Variants in TCF3 observed in about 807,000 individuals in gnomAD.
TCF3 encodes transcription factor E2-alpha.
TCF3 carries 54 observed loss-of-function variants against 72.3 expected under a neutral mutation model. The ratio of observed to expected loss-of-function variants is 0.75; its 90% CI spans 0.60 to 0.94. The LOEUF (loss-of-function observed/expected upper bound fraction) is 0.94. TCF3 is among the 40% of genes least tolerant of loss of function. TCF3 has a pLI of 0.00. For synonymous variants in TCF3, 525 were observed against 412.6 expected, an observed-to-expected ratio of 1.27 and a Z score of -3.30; for missense variants, 1,078 against 934.4, an observed-to-expected ratio of 1.15 and a Z score of -2.00.
chr19:1,632,596 G>A (rs1036834487), intron 3 of TCF3, among the ~76,000 whole-genome samples, 191 bp from the exon 4 acceptor site: 11 of 152,088 alleles, frequency 7.2e-5, no homozygotes, highest in African/African-American at 2.7e-4. Context: ...CTGGGACTCG[G>A]AGCACTTACA....
At chr19:1,643,500 C>T (rs1261809181) in intron 3 of TCF3, among the ~76,000 whole-genome samples, 1 of 151,902 alleles carries the variant, frequency 6.6e-6, no homozygotes, top group East Asian at 1.9e-4. Flanking sequence ...GGATTATAGG[C>T]ATGAACCACT....
At chr19:1,632,153 C>A in intron 4 of TCF3, 37 bp from the exon 5 acceptor site, 1 of 1,600,804 alleles carries the variant, frequency 6.2e-7, no homozygotes, top group Non-Finnish European at 8.5e-7. Context: ...GGTGCTGGGG[C>A]TTCACAGGCC....
intron 8 of TCF3, among the ~76,000 whole-genome samples, chr19:1,623,748 CA>C (rs2062543895): frequency 6.6e-6 from 1 of 152,202 alleles, no homozygotes; most frequent in Admixed American, 6.5e-5. Context: ...ACAAGACAGA[CA>C]GAGGCTGGAC....
rs1201779070 is a variant in TCF3 at position 1,621,162 on chromosome 19, C to T, written c.985G>A (p.Gly329Arg). 5.8e-6 allele frequency: 9 copies of T among 1,539,160 alleles called. No individual in the cohort carries two copies. The highest frequency in any genetic ancestry group is 1.2e-5 in the South Asian group (1 of 84,012). ...GCCAGTGCTTTGCCGAGGGCATCCCCGGAGCTGCCAGCTGTGGTCCCTCGG... is the reference window on the plus strand; with the variant it reads ...GCCAGTGCTTTGCCGAGGGCATCCCTGGAGCTGCCAGCTGTGGTCCCTCGG... ...GSRGTTAGSS[G>R]DALGKALASI... The change falls in exon 12 of 19, where the codon GGG (glycine) becomes AGG (arginine). Residue 329 changes from glycine to arginine, a missense_variant. By Grantham distance (125) the Gly-to-Arg change is moderately radical (BLOSUM62 -2). Coordinates refer to ENST00000262965, the MANE Select transcript of TCF3 (RefSeq NM_003200.5).
chr19:1,640,819 G>C (rs887934163), intron 3 of TCF3, among the ~76,000 whole-genome samples: 2 of 144,630 alleles, frequency 1.4e-5, no homozygotes, highest in Non-Finnish European at 3.0e-5. Context: ...AAAAAAAAAA[G>C]TGATGTAAAT....
At chr19:1,620,015 C>A (rs564307425) in intron 13 of TCF3, among the ~76,000 whole-genome samples, 162 bp from the exon 14 acceptor site, 1 of 152,280 alleles carries the variant, frequency 6.6e-6, no homozygotes, top group East Asian at 1.9e-4. Flanking sequence ...GCTGCTCGGC[C>A]CCGCCAGGCA....
chr19:1,643,956 C>T (rs763272960), intron 3 of TCF3, among the ~76,000 whole-genome samples: 2 of 152,184 alleles, frequency 1.3e-5, no homozygotes, highest in Non-Finnish European at 2.9e-5. Flanking sequence ...GGACTCCTGG[C>T]GAAGGGTGGC....
intron 3 of TCF3, among the ~76,000 whole-genome samples, chr19:1,639,576 A>G (rs2064945385): frequency 1.3e-5 from 2 of 152,120 alleles, no homozygotes; most frequent in Non-Finnish European, 2.9e-5. Context: ...ACTCACAAAG[A>G]AGGACAAAAA....
intron 3 of TCF3, among the ~76,000 whole-genome samples, chr19:1,644,747 G>T (rs2065827836): frequency 6.6e-6 from 1 of 152,152 alleles, no homozygotes; most frequent in Admixed American, 6.5e-5. Context: ...TCTCACAGTG[G>T]TCCGTGCCAG....
chr19:1,630,806 AC>A (rs537953876), intron 5 of TCF3, among the ~76,000 whole-genome samples: 5 of 151,014 alleles, frequency 3.3e-5, no homozygotes, highest in Non-Finnish European at 5.9e-5. Flanking sequence ...AAGCAGCGGG[AC>A]CCCCCCAAGA....
chr19:1,630,877 G>A (rs1402325030), intron 5 of TCF3, among the ~76,000 whole-genome samples: 1 of 152,202 alleles, frequency 6.6e-6, no homozygotes, highest in Non-Finnish European at 1.5e-5. Context: ...AGGAGGCGGA[G>A]CATGTGAAGC....
intron 8 of TCF3, 72 bp downstream of exon 8, chr19:1,623,879 G>A (rs569849360): frequency 1.3e-6 from 2 of 1,514,308 alleles, no homozygotes; most frequent in South Asian, 2.3e-5. Flanking sequence ...GTGTTCCCAA[G>A]CTTCGCCAGG....
intron 3 of TCF3, among the ~76,000 whole-genome samples, chr19:1,638,674 G>A (rs1046902304): frequency 2.6e-5 from 4 of 152,220 alleles, no homozygotes; most frequent in South Asian, 2.1e-4. Context: ...GAGAAACGGC[G>A]TGTTTAAACG....
In TCF3 at chr19:1,615,983, C is replaced by G. The variant is rs555832338; in HGVS notation, c.1451-162G>C. ...CAACCAGAACTGGATCCCTACCTCA[C>G]GCCATGTGTAGCTACCAATGCCAGA... On this transcript the variant is annotated intron_variant, in intron 16 of 18. Coordinates refer to ENST00000262965, the MANE Select transcript of TCF3 (RefSeq NM_003200.5). This position sits in a 1 kb window ranked among gnomAD's most constrained non-coding sequence, Gnocchi z 7.3. Among the ~76,000 whole-genome samples the G allele has an allele frequency of 6.6e-6, 1 of 152,164 alleles. No individual in the cohort carries two copies. The highest frequency in any genetic ancestry group is 1.9e-4 in the East Asian group (1 of 5,202).
chr19:1,620,897 A>C, intron 13 of TCF3, 71 bp downstream of exon 13: 1 of 1,316,814 alleles, frequency 7.6e-7, no homozygotes, highest in Non-Finnish European at 9.9e-7. Flanking sequence ...AAGCCTTCAC[A>C]GACCTCAGCC....
intron 12 of TCF3, 22 bp downstream of exon 12, chr19:1,621,110 AC>A (rs1190345267): frequency 8.5e-6 from 13 of 1,525,712 alleles, no homozygotes; most frequent in African/African-American, 5.5e-5. Flanking sequence ...TTGCCTGGCC[AC>A]CCCCCATGCC....
At chr19:1,649,732 T>A (rs1003452711) in intron 2 of TCF3, among the ~76,000 whole-genome samples, 4 of 152,052 alleles carry the variant, frequency 2.6e-5, no homozygotes, top group African/African-American at 9.7e-5. Context: ...CCCCCTCCCA[T>A]TTACTGAAAC....
intron 3 of TCF3, among the ~76,000 whole-genome samples, chr19:1,645,441 C>A (rs1445857811): frequency 1.3e-5 from 2 of 152,128 alleles, no homozygotes; most frequent in Non-Finnish European, 2.9e-5. Context: ...CCATCCAGGG[C>A]TCCCCGCTGC....
At chr19:1,648,827 G>GCT (rs910933432) in intron 2 of TCF3, among the ~76,000 whole-genome samples, 1 of 150,866 alleles carries the variant, frequency 6.6e-6, no homozygotes. Flanking sequence ...TGGGGGGGGG[G>GCT]GGGGAGCAGA....
Sources: allele counts gnomAD v4.1 joint callset (sites outside exome capture counted in the v4.1 genomes callset), GRCh38; gene constraint gnomAD v4.1.1; non-coding constraint Gnocchi (gnomAD v3.1); transcripts MANE v1.5; gene names NCBI Gene and HGNC (gene_info 2026-07-23, HGNC 2026-07-21).